The following MGAT5 variants were observed in gnomAD, a reference collection of about 807,000 sequenced individuals.
MGAT5 encodes alpha-1,6-mannosylglycoprotein 6-beta-N-acetylglucosaminyltransferase A.
Under a neutral mutation model 94.3 loss-of-function variants are expected in MGAT5, and 30 were observed. The ratio of observed to expected loss-of-function variants is 0.32; its 90% CI spans 0.24 to 0.43. MGAT5 has a LOEUF of 0.43. Among genes scored for constraint, MGAT5 ranks in the 20% least tolerant of loss-of-function variants. The probability of loss-of-function intolerance (pLI) is 1.00; values close to 1 mark genes in which losing one functional copy is unlikely to be tolerated. For missense variants in MGAT5, 691 were observed against 905.5 expected, an observed-to-expected ratio of 0.76 and a Z score of 3.04; for synonymous variants, 310 against 322.9, an observed-to-expected ratio of 0.96 and a Z score of 0.43.
intron 1 of MGAT5, among the ~76,000 whole-genome samples, chr2:134,134,069 A>G (rs1686298096): frequency 1.3e-5 from 2 of 152,200 alleles, no homozygotes; most frequent in Non-Finnish European, 2.9e-5. Flanking sequence ...GCCACTATCT[A>G]GTGCTATGTG....
intron 9 of MGAT5, among the ~76,000 whole-genome samples, chr2:134,353,362 A>G (rs1679514632): frequency 1.3e-5 from 2 of 152,184 alleles, no homozygotes; most frequent in South Asian, 4.1e-4. Flanking sequence ...TTGTAGTGGG[A>G]AATATTTATA....
chr2:134,223,882 G>A (rs2105364574), intron 1 of MGAT5, among the ~76,000 whole-genome samples: 1 of 152,262 alleles, frequency 6.6e-6, no homozygotes, highest in African/African-American at 2.4e-5. Context: ...AATAACCAGT[G>A]TCTCCAATTG....
Position 134,143,624 on chromosome 2 carries a change from A to G in MGAT5, c.-143+23333A>G, listed in dbSNP as rs570933537. Among the ~76,000 whole-genome samples the G allele has an allele frequency of 4.6e-5, 7 of 152,328 alleles. No homozygotes were observed. The East Asian group carries it at 1.4e-3, about 29-fold the overall frequency. On this transcript the variant is annotated intron_variant, in intron 1 of 16. Coordinates refer to the MGAT5 transcript ENST00000409645. ...GAACATCAGGCAGGCGCCTGGAAATAGAGGGGTGGAAGGGTGGTGCTGGGC... is the reference window on the plus strand; with the variant it reads ...GAACATCAGGCAGGCGCCTGGAAATGGAGGGGTGGAAGGGTGGTGCTGGGC...
chr2:134,382,177 G>T (rs1681670499), intron 10 of MGAT5, among the ~76,000 whole-genome samples: 1 of 151,842 alleles, frequency 6.6e-6, no homozygotes, highest in East Asian at 1.9e-4. Flanking sequence ...GTCACTTGAA[G>T]CCAGGAGTTT....
chr2:134,190,281 C>G (rs1475831520), intron 1 of MGAT5, among the ~76,000 whole-genome samples: 2 of 152,152 alleles, frequency 1.3e-5, no homozygotes, highest in Non-Finnish European at 2.9e-5. Context: ...CCTGCTATCT[C>G]AGTTATTAGT....
chr2:134,216,887 A>G (rs1379719131), intron 1 of MGAT5, among the ~76,000 whole-genome samples: 4 of 152,172 alleles, frequency 2.6e-5, no homozygotes, highest in African/African-American at 9.7e-5. Context: ...TTGGCGCTCT[A>G]GTCTGCACAT....
intron 1 of MGAT5, among the ~76,000 whole-genome samples, chr2:134,254,972 T>C (rs190609296): frequency 2.0e-5 from 3 of 152,178 alleles, no homozygotes; most frequent in Non-Finnish European, 4.4e-5. Context: ...CAGGGAATGC[T>C]GAAAAATATT....
intron 1 of MGAT5, among the ~76,000 whole-genome samples, chr2:134,155,284 C>T (rs1430428614): frequency 6.6e-6 from 1 of 152,224 alleles, no homozygotes; most frequent in African/African-American, 2.4e-5. Flanking sequence ...TTCTCACTTC[C>T]CTGTCTGCAC....
intron 1 of MGAT5, among the ~76,000 whole-genome samples, chr2:134,163,889 C>T (rs1399795707): frequency 6.6e-6 from 1 of 152,162 alleles, no homozygotes; most frequent in African/African-American, 2.4e-5. Context: ...TCTTTATAGA[C>T]CAATATTGGC....
At chr2:134,332,441 G>A (rs1367601388) in intron 4 of MGAT5, among the ~76,000 whole-genome samples, 1 of 152,086 alleles carries the variant, frequency 6.6e-6, no homozygotes, top group African/African-American at 2.4e-5. Context: ...ATTAATTCAA[G>A]ATGGATTAAA....
chr2:134,251,626 T>A (rs1026049033), upstream of MGAT5, among the ~76,000 whole-genome samples: 1 of 152,148 alleles, frequency 6.6e-6, no homozygotes, highest in Admixed American at 6.6e-5. Context: ...GTTTTAAAAA[T>A]TTTTTTAAAT....
At chr2:134,324,943 C>CT (rs1366786802) in intron 4 of MGAT5, among the ~76,000 whole-genome samples, 1 of 151,382 alleles carries the variant, frequency 6.6e-6, no homozygotes, top group Non-Finnish European at 1.5e-5. Context: ...TTATTGGTAT[C>CT]TTTTTCATCT....
chr2:134,414,160 GT>G (rs71338129), intron 12 of MGAT5, among the ~76,000 whole-genome samples: 5,319 of 110,580 alleles, frequency 0.048, 280 homozygotes, highest in African/African-American at 0.18. Context: ...TGTGTGTGTG[GT>G]TTTTTTTTTT....
rs118182110 is a variant in MGAT5, at chr2:134,235,185, T to G, written c.-142-19077T>G. Among the ~76,000 whole-genome samples the G allele has an allele frequency of 4.7e-3, 722 of 152,268 alleles. 22 individuals are homozygous for G. The East Asian group carries it at 0.1, about 22-fold the overall frequency. On this transcript the variant is annotated intron_variant, in intron 1 of 16. Coordinates refer to the MGAT5 transcript ENST00000409645. ...CTGGTCTTTGGTTCAACACAGCCCC[T>G]GTCTCCCCTGCCATGCTCCCCGACC...
At chr2:134,120,354 C>A (rs532056418) in intron 1 of MGAT5, 14 of 384,530 alleles carry the variant, frequency 3.6e-5, no homozygotes, top group Admixed American at 2.2e-4. Context: ...CGGGGTGATG[C>A]GCGCAGAGGG....
intron 9 of MGAT5, among the ~76,000 whole-genome samples, chr2:134,353,994 G>T (rs1003480177): frequency 6.6e-6 from 1 of 152,108 alleles, no homozygotes; most frequent in Non-Finnish European, 1.5e-5. Flanking sequence ...TGTGACAAAG[G>T]CCTGGAGTCC....
intron 1 of MGAT5, among the ~76,000 whole-genome samples, chr2:134,246,241 C>T (rs1392872204): frequency 6.6e-6 from 1 of 151,052 alleles, no homozygotes; most frequent in Non-Finnish European, 1.5e-5. Context: ...TCTTGGGCAG[C>T]ACCCTGCCTG....
intron 1 of MGAT5, among the ~76,000 whole-genome samples, chr2:134,266,294 C>G (rs564224623): frequency 6.6e-4 from 100 of 152,118 alleles, no homozygotes; most frequent in Non-Finnish European, 1.2e-3. Context: ...AATCTTGGCT[C>G]ACTGCAACCT....
At position 134,166,239 on chromosome 2, in the gene MGAT5, T is replaced by TACAC. The variant is rs200888586; in HGVS notation, c.-143+45950_-143+45953dup. The stretch of plus-strand genomic sequence containing the variant: ...AGAAAGGTGTGAAGAGCCTGAGTGA[T>TACAC]ACACAGAGGGACCCTTGGAAATGTA... On this transcript the variant is annotated intron_variant, in intron 1 of 16. Transcript: ENST00000409645. Among the ~76,000 whole-genome samples, 1,159 of 152,282 alleles carry TACAC rather than the reference T, an allele frequency of 7.6e-3. 11 individuals carry two copies. The highest frequency in any genetic ancestry group is 0.026 in the African/African-American group (1,064 of 41,558).
Sources: gnomAD v4.1 joint callset for allele counts (sites outside exome capture counted in the v4.1 genomes callset) on GRCh38, gnomAD v4.1.1 for gene constraint, MANE v1.5 for transcripts, NCBI Gene and HGNC (gene_info 2026-07-23, HGNC 2026-07-21) for gene names.